Variants in DIS3L2 observed in about 807,000 individuals in gnomAD.
DIS3L2 encodes the protein DIS3 like 3'-5' exoribonuclease 2.
DIS3L2 carries 34 observed loss-of-function variants against 97.5 expected under a neutral mutation model. That is an observed-to-expected ratio of 0.35 (90% CI 0.27 to 0.46). DIS3L2 has a LOEUF of 0.46. Among genes scored for constraint, DIS3L2 ranks in the 20% least tolerant of loss-of-function variants. DIS3L2 has a pLI of 1.00. For missense variants in DIS3L2, 1,038 were observed against 1,146.0 expected, an observed-to-expected ratio of 0.91 and a Z score of 1.36; for synonymous variants, 435 against 445.2, an observed-to-expected ratio of 0.98 and a Z score of 0.29.
chr2:231,962,711 A>G (rs1692602524), intron 1 of DIS3L2, among the ~76,000 whole-genome samples: 1 of 152,180 alleles, frequency 6.6e-6, no homozygotes, highest in Admixed American at 6.5e-5. Context: ...CTAGGATTAC[A>G]GGCGTGAGCC....
At chr2:232,108,028 T>C (rs570753113) in intron 6 of DIS3L2, among the ~76,000 whole-genome samples, 1 of 152,278 alleles carries the variant, frequency 6.6e-6, no homozygotes, top group South Asian at 2.1e-4. Context: ...CCTAACTTAT[T>C]GTATGAGTCC....
chr2:232,142,556 A>G (rs1029019451), intron 8 of DIS3L2, among the ~76,000 whole-genome samples: 1 of 152,168 alleles, frequency 6.6e-6, no homozygotes, highest in Non-Finnish European at 1.5e-5. Flanking sequence ...TGCTTTCTTC[A>G]TATCAACACC....
At chr2:232,273,865 G>C (rs1694070052) in intron 13 of DIS3L2, among the ~76,000 whole-genome samples, 2 of 152,330 alleles carry the variant, frequency 1.3e-5, no homozygotes, top group Middle Eastern at 3.4e-3. Context: ...ACCATTAGCT[G>C]TTAGTCCCTA....
chr2:232,336,094 G>T (rs911678097), intron 20 of DIS3L2: 1 of 1,544,076 alleles, frequency 6.5e-7, no homozygotes, highest in Non-Finnish European at 8.7e-7. Flanking sequence ...AGTGGAGAGA[G>T]GAGGGGCTCT....
chr2:232,093,669 G>A (rs942286034), intron 6 of DIS3L2, among the ~76,000 whole-genome samples: 3 of 151,976 alleles, frequency 2.0e-5, no homozygotes, highest in Admixed American at 6.5e-5. Context: ...CAATTTATTG[G>A]TATATAGTTT....
intron 9 of DIS3L2, among the ~76,000 whole-genome samples, chr2:232,189,232 C>G (rs1691541226): frequency 6.6e-6 from 1 of 152,106 alleles, no homozygotes; most frequent in Admixed American, 6.6e-5. Flanking sequence ...GCATTTATCC[C>G]AGAAAAATGA....
intron 5 of DIS3L2, among the ~76,000 whole-genome samples, chr2:232,081,236 T>C (rs1696383157): frequency 6.6e-6 from 1 of 152,198 alleles, no homozygotes; most frequent in Non-Finnish European, 1.5e-5. Flanking sequence ...TCTTTCTCTT[T>C]TTACAATATG....
chr2:232,240,033 G>A (rs1465675635), intron 11 of DIS3L2, among the ~76,000 whole-genome samples: 2 of 152,234 alleles, frequency 1.3e-5, no homozygotes, highest in Non-Finnish European at 2.9e-5. Context: ...CCCCATGGTG[G>A]AAATCACCTT....
chr2:232,009,758 A>G (rs976103907), intron 1 of DIS3L2, among the ~76,000 whole-genome samples: 6 of 152,200 alleles, frequency 3.9e-5, no homozygotes, highest in African/African-American at 9.7e-5. Context: ...ACAGTCTTCC[A>G]GACCAGCAGG....
intron 5 of DIS3L2, among the ~76,000 whole-genome samples, chr2:232,060,081 C>T (rs1695660760): frequency 6.6e-6 from 1 of 152,108 alleles, no homozygotes; most frequent in Non-Finnish European, 1.5e-5. Flanking sequence ...CCCTTGTCAG[C>T]CATCTGTAAA....
chr2:232,027,975 A>G (rs1694705889), intron 4 of DIS3L2, among the ~76,000 whole-genome samples: 1 of 152,194 alleles, frequency 6.6e-6, no homozygotes, highest in African/African-American at 2.4e-5. Context: ...CACAGTTTCT[A>G]TTCTGAATTA....
In DIS3L2 at chr2:232,325,526, C is replaced by G. The variant is rs1695547473; in HGVS notation, c.1740-4287C>G. On this transcript the variant is annotated intron_variant, in intron 14 of 20. Transcript: ENST00000325385. The surrounding 1 kb of genome is among the most constrained non-coding windows in gnomAD (Gnocchi z 4.6). ...CCTCCTGCCCCAGGGAGGCCCAGAACCAGGGAGGAGAGGTGCTGGGAGTGA... is the reference window on the plus strand; with the variant it reads ...CCTCCTGCCCCAGGGAGGCCCAGAAGCAGGGAGGAGAGGTGCTGGGAGTGA... 6.6e-6 allele frequency among the ~76,000 whole-genome samples: 1 copy of G among 152,164 alleles called. No homozygotes were observed. Among genetic ancestry groups the G allele is most frequent in the Non-Finnish European group, 1.5e-5 (1 of 68,012 alleles).
intron 9 of DIS3L2, among the ~76,000 whole-genome samples, chr2:232,209,550 C>T (rs1692130197): frequency 6.6e-6 from 1 of 152,080 alleles, no homozygotes; most frequent in Non-Finnish European, 1.5e-5. Flanking sequence ...GGCATGGGGG[C>T]AGAAGGGCAG....
At chr2:232,075,815 T>G (rs1696169714) in intron 5 of DIS3L2, among the ~76,000 whole-genome samples, 1 of 152,214 alleles carries the variant, frequency 6.6e-6, no homozygotes, top group Non-Finnish European at 1.5e-5. Flanking sequence ...GAGTGTACTG[T>G]TATTATTAAA....
intron 10 of DIS3L2, among the ~76,000 whole-genome samples, chr2:232,227,581 G>A (rs944486440): frequency 1.3e-5 from 2 of 152,192 alleles, no homozygotes; most frequent in South Asian, 4.1e-4. Context: ...ACGTCTTGGG[G>A]AGTCAGAAAT....
At chr2:232,056,387 C>T (rs985824661) in intron 5 of DIS3L2, among the ~76,000 whole-genome samples, 1 of 151,622 alleles carries the variant, frequency 6.6e-6, no homozygotes, top group African/African-American at 2.4e-5. Context: ...ACAACAACAA[C>T]AACAACAACA....
At chr2:232,318,539 T>C (rs954678151) in intron 14 of DIS3L2, among the ~76,000 whole-genome samples, 1 of 151,402 alleles carries the variant, frequency 6.6e-6, no homozygotes, top group Non-Finnish European at 1.5e-5. Context: ...TGCAAGGGGG[T>C]GACAAAGGCC....
Position 232,173,191 on chromosome 2 carries a change from C to T in DIS3L2, c.1124+9559C>T, listed in dbSNP as rs150899111. Among the ~76,000 whole-genome samples, 13 of 152,192 alleles carry T rather than the reference C, an allele frequency of 8.5e-5. No homozygotes were observed. The East Asian group carries it at 2.5e-3, about 29-fold the overall frequency. ...GTTGCTTGTGTTTTTGGTGTCATAT[C>T]TATAAAAACCATTGGCGAAGATCAC... On this transcript the variant is annotated intron_variant, in intron 9 of 20. Coordinates refer to ENST00000325385, the MANE Select transcript of DIS3L2 (RefSeq NM_152383.5).
chr2:232,159,354 A>G (rs555397422), intron 8 of DIS3L2, among the ~76,000 whole-genome samples: 1 of 152,340 alleles, frequency 6.6e-6, no homozygotes, highest in East Asian at 1.9e-4. Flanking sequence ...ACGAGAAGCC[A>G]TTCTAGCTGT....
Sources: allele counts gnomAD v4.1 joint callset (sites outside exome capture counted in the v4.1 genomes callset), GRCh38; gene constraint gnomAD v4.1.1; non-coding constraint Gnocchi (gnomAD v3.1); transcripts MANE v1.5; gene names NCBI Gene and HGNC (gene_info 2026-07-23, HGNC 2026-07-21).